CEP120: variants seen among roughly 807,000 people sequenced by gnomAD.
The protein encoded by CEP120 is centrosomal protein of 120 kDa.
CEP120 carries 113 observed loss-of-function variants against 126.5 expected under a neutral mutation model. The observed-to-expected ratio is 0.89, with a 90% CI of 0.77 to 1.04. The LOEUF (loss-of-function observed/expected upper bound fraction) is 1.04, where lower values mean the gene tolerates loss of function less well. Among genes scored for constraint, CEP120 ranks in the 50% least tolerant of loss-of-function variants. CEP120 has a pLI of 0.00. For synonymous variants in CEP120, 400 were observed against 394.3 expected, an observed-to-expected ratio of 1.01 and a Z score of -0.17; for missense variants, 1,230 against 1,155.7, an observed-to-expected ratio of 1.06 and a Z score of -0.93.
rs556226854 is a variant in CEP120, at chr5:123,385,997, C to G, written c.1580+521G>C. Among the ~76,000 whole-genome samples the G allele has an allele frequency of 3.3e-5, 5 of 152,178 alleles. No individual in the cohort carries two copies. The East Asian group carries it at 9.6e-4, about 29-fold the overall frequency. ...GGTTAGATTTAAGTTACCCTTCATTCTTTTTAAAATAATGTATAAATTTGA... is the reference window on the plus strand; with the variant it reads ...GGTTAGATTTAAGTTACCCTTCATTGTTTTTAAAATAATGTATAAATTTGA... On this transcript the variant is annotated intron_variant, in intron 10 of 19. Transcript: ENST00000306467.
At chr5:123,375,993 C>CT (rs368495804) in intron 16 of CEP120, among the ~76,000 whole-genome samples, 32,935 of 141,864 alleles carry the variant, frequency 0.23, 3,840 homozygotes, top group Middle Eastern at 0.29. Flanking sequence ...CAGCTTGATT[C>CT]TTTTTTTTTT....
intron 18 of CEP120, among the ~76,000 whole-genome samples, chr5:123,362,323 C>G (rs1476798162): frequency 6.6e-6 from 1 of 151,720 alleles, no homozygotes; most frequent in Non-Finnish European, 1.5e-5. Context: ...TTTTCTTCTC[C>G]TAGAAATTAT....
intron 5 of CEP120, among the ~76,000 whole-genome samples, chr5:123,394,695 CAT>C (rs1286668706): frequency 6.6e-6 from 1 of 152,210 alleles, no homozygotes; most frequent in Admixed American, 6.5e-5. Context: ...GTACCAGACA[CAT>C]AATAAATGTA....
chr5:123,381,022 A>T (rs1405747940), intron 14 of CEP120, among the ~76,000 whole-genome samples: 2 of 151,224 alleles, frequency 1.3e-5, no homozygotes, highest in Non-Finnish European at 2.9e-5. Context: ...TTTAATGGTG[A>T]GAATTAAGTT....
chr5:123,396,113 G>A (rs1398052489), intron 5 of CEP120, among the ~76,000 whole-genome samples: 1 of 151,392 alleles, frequency 6.6e-6, no homozygotes, highest in Non-Finnish European at 1.5e-5. Context: ...GATTACAGGT[G>A]TATGCCACAC....
At chr5:123,401,278 G>A (rs62376436) in intron 4 of CEP120, 697,224 of 1,607,228 alleles carry the variant, frequency 0.43, 152,092 homozygotes, top group Middle Eastern at 0.48. Flanking sequence ...GCGGCCTCCA[G>A]CTCGACAACT....
chr5:123,373,208 C>A (rs1326813272), intron 16 of CEP120, among the ~76,000 whole-genome samples: 6 of 151,926 alleles, frequency 3.9e-5, no homozygotes, highest in African/African-American at 1.4e-4. Flanking sequence ...AGAGTAAGTG[C>A]AAGTTATCTG....
chr5:123,360,583 G>T (rs1252643294), intron 18 of CEP120, among the ~76,000 whole-genome samples: 1 of 150,728 alleles, frequency 6.6e-6, no homozygotes, highest in Non-Finnish European at 1.5e-5. Flanking sequence ...TTTACAAAAG[G>T]TATCTGAATG....
rs1380817371 is a variant in CEP120 at position 123,346,154 on chromosome 5, A to AAGAT, written c.*361_*364dup. On this transcript the variant is annotated 3_prime_UTR_variant, in exon 20 of 20. Transcript: ENST00000306467. ...ATAGGACGCAGCGTTTTTAAAGTGC[A>AAGAT]AGATATACTCTTTTGGCTCAACATG... 1 of 179,996 alleles carries AAGAT rather than the reference A, an allele frequency of 5.6e-6. No individual in the cohort carries two copies. The highest frequency in any genetic ancestry group is 1.2e-5 in the Non-Finnish European group (1 of 85,944). The allele number at this position is 179,996 out of a possible 1,614,324, so 11.1% of individuals were successfully genotyped here.
At position 123,371,649 on chromosome 5, in the gene CEP120, C is replaced by T. The variant is rs560848890; in HGVS notation, c.2481+1001G>A. 7.9e-5 allele frequency among the ~76,000 whole-genome samples: 12 copies of T among 152,146 alleles called. No individual in the cohort carries two copies. In the South Asian group the frequency reaches 1.9e-3, roughly 24 times the overall value. On this transcript the variant is annotated intron_variant, in intron 17 of 19. Coordinates refer to ENST00000306467, the MANE Select transcript of CEP120 (RefSeq NM_001375405.1). Reference sequence around the variant, plus strand: ...GCCTGAAGGAAGCTGGAGAGAAGGGCTCTCTGATGGGACATGGAACCATAA... The same window carrying T: ...GCCTGAAGGAAGCTGGAGAGAAGGGTTCTCTGATGGGACATGGAACCATAA...
intron 4 of CEP120, chr5:123,401,285 A>G (rs1773215529): frequency 6.2e-7 from 1 of 1,608,300 alleles, no homozygotes; most frequent in African/African-American, 1.3e-5. Flanking sequence ...CCAGCTCGAC[A>G]ACTTGGCGTT....
chr5:123,354,015 G>C (rs573783892), intron 18 of CEP120, among the ~76,000 whole-genome samples: 43 of 152,080 alleles, frequency 2.8e-4, no homozygotes, highest in African/African-American at 9.9e-4. Flanking sequence ...AATATTTAGA[G>C]AGCAGATTTA....
chr5:123,407,105 T>TAAAAAAAAAAAAAAAAAAAAA (rs34074238), intron 4 of CEP120, among the ~76,000 whole-genome samples: 1 of 124,768 alleles, frequency 8.0e-6, no homozygotes, highest in Admixed American at 7.9e-5. Context: ...ACTAAAAAAG[T>TAAAAAAAAAAAAAAAAAAAAA]AAAAAAAAAA....
At chr5:123,373,596 C>T (rs978658498) in intron 16 of CEP120, among the ~76,000 whole-genome samples, 5 of 152,070 alleles carry the variant, frequency 3.3e-5, no homozygotes, top group Admixed American at 6.6e-5. Context: ...TGGCCCTCTA[C>T]TTATGGAGAA....
chr5:123,402,135 T>C, intron 4 of CEP120: 1 of 1,584,374 alleles, frequency 6.3e-7, no homozygotes, highest in South Asian at 1.1e-5. Context: ...CAGCAGGCTC[T>C]GGTTGACTGT....
chr5:123,406,647 G>A (rs62376441), intron 4 of CEP120, among the ~76,000 whole-genome samples: 24,531 of 149,156 alleles, frequency 0.16, 2,449 homozygotes, highest in Middle Eastern at 0.22. Flanking sequence ...CTTCAAAAGT[G>A]AAGGAGAAAT....
chr5:123,397,330 A>G (rs1772854289), intron 5 of CEP120, among the ~76,000 whole-genome samples: 1 of 152,200 alleles, frequency 6.6e-6, no homozygotes, highest in East Asian at 1.9e-4. Context: ...ACCTCAAAAA[A>G]ATAAAAATAA....
At chr5:123,422,803 C>A (rs775063947) in intron 1 of CEP120, 147 bp downstream of exon 1, 87 of 796,672 alleles carry the variant, frequency 1.1e-4, no homozygotes, top group Admixed American at 4.3e-4. Context: ...GCCTAACAGA[C>A]CTCACTACGT....
Position 123,386,670 on chromosome 5 carries a change from A to C in CEP120, c.1431-3T>G. 1.1e-6 allele frequency: 1 copy of C among 879,792 alleles called. No homozygotes were observed. Among genetic ancestry groups the C allele is most frequent in the Non-Finnish European group, 1.5e-6 (1 of 652,840 alleles). The allele number at this position is 879,792 out of a possible 1,614,324, so 54.5% of individuals were successfully genotyped here. A position where few individuals can be genotyped will look rare whatever the true frequency, so the allele number is the denominator to read the frequency against. On this transcript the variant is annotated splice_region_variant and splice_polypyrimidine_tract_variant and intron_variant, in intron 9 of 19. Transcript: ENST00000306467. ...TTCCAAAGAATGGATATGAGTACCT[A>C]GAATTTAAAAAAAAAAAAAAAAAAA...
Sources: gnomAD v4.1 joint callset for allele counts (sites outside exome capture counted in the v4.1 genomes callset) on GRCh38, gnomAD v4.1.1 for gene constraint, MANE v1.5 for transcripts, NCBI Gene and HGNC (gene_info 2026-07-23, HGNC 2026-07-21) for gene names.